The following IL1RAPL1 variants were observed in gnomAD, a reference collection of about 807,000 sequenced individuals.
The protein encoded by IL1RAPL1 is interleukin 1 receptor accessory protein like 1.
Under a neutral mutation model 48.4 loss-of-function variants are expected in IL1RAPL1, and 3 were observed. The observed-to-expected ratio is 0.06, with a 90% CI of 0.03 to 0.16. The LOEUF is 0.16. IL1RAPL1 is among the 10% of genes least tolerant of loss of function. IL1RAPL1 has a pLI of 1.00. For synonymous variants in IL1RAPL1, 185 were observed against 187.7 expected, an observed-to-expected ratio of 0.99 and a Z score of 0.12; for missense variants, 349 against 530.6, an observed-to-expected ratio of 0.66 and a Z score of 3.36.
At chrX:29,586,390 G>T (rs907099266) in intron 5 of IL1RAPL1, among the ~76,000 whole-genome samples, 1 of 111,300 alleles carries the variant, frequency 9.0e-6, no homozygotes, top group African/African-American at 3.3e-5. Context: ...TCTCTATTCT[G>T]TTAGATTGGC....
intron 2 of IL1RAPL1, among the ~76,000 whole-genome samples, chrX:29,263,787 A>G (rs1246858799): frequency 2.8e-5 from 3 of 108,309 alleles, no homozygotes; most frequent in Non-Finnish European, 5.7e-5. Flanking sequence ...GAATTGGCTC[A>G]CCAGTATTAA....
intron 2 of IL1RAPL1, among the ~76,000 whole-genome samples, chrX:28,884,658 A>G (rs1472106982): frequency 2.7e-5 from 3 of 111,813 alleles, no homozygotes; most frequent in African/African-American, 6.5e-5. Context: ...CCTTTTATAA[A>G]CAAGCTTTTG....
intron 2 of IL1RAPL1, among the ~76,000 whole-genome samples, chrX:28,883,295 CA>C (rs1169623081): frequency 9.0e-6 from 1 of 111,368 alleles, no homozygotes; most frequent in African/African-American, 3.3e-5. Flanking sequence ...TGGCTTTTGT[CA>C]ATCTTGTTAA....
intron 5 of IL1RAPL1, among the ~76,000 whole-genome samples, chrX:29,477,322 A>G (rs67469474): frequency 0.075 from 8,377 of 111,718 alleles, 486 homozygotes; most frequent in African/African-American, 0.19. Context: ...GACTATTATT[A>G]TTGCTGCTAT....
chrX:29,902,995 G>A (rs777844070), intron 6 of IL1RAPL1, among the ~76,000 whole-genome samples: 38 of 111,079 alleles, frequency 3.4e-4, no homozygotes, highest in Admixed American at 3.3e-3. Context: ...TTAATATAAC[G>A]TACCCCTTTC....
chrX:29,402,831 G>A (rs780163349), intron 5 of IL1RAPL1, among the ~76,000 whole-genome samples: 1 of 109,147 alleles, frequency 9.2e-6, no homozygotes, highest in African/African-American at 3.4e-5. Context: ...GGAGTATTTT[G>A]TCGAATGTCC....
At chrX:29,953,525 A>C (rs1249948567) in intron 9 of IL1RAPL1, among the ~76,000 whole-genome samples, 1 of 111,975 alleles carries the variant, frequency 8.9e-6, no homozygotes, top group African/African-American at 3.2e-5. Flanking sequence ...GAGATTTTAG[A>C]ACTAAGTTTC....
rs1268556014 is a variant in IL1RAPL1 at position 28,762,823 on chromosome X, C to CACACAGAG, written c.-24-26496_-24-26495insCACAGAGA. Among the ~76,000 whole-genome samples, 282 of 36,712 alleles carry CACACAGAG rather than the reference C, an allele frequency of 7.7e-3. 1 individual carries two copies. Among genetic ancestry groups the CACACAGAG allele is most frequent in the East Asian group, 0.022 (30 of 1,373 alleles). 31.9% of individuals were successfully genotyped at this position (36,712 alleles called of 115,157 possible). ...ACACACACACACACACACACACACA[C>CACACAGAG]AGAGAGAGAGAGAGAGAGAGAGAGA... On this transcript the variant is annotated intron_variant, in intron 1 of 10. Transcript: ENST00000378993.
chrX:29,157,325 T>C (rs747988387), intron 2 of IL1RAPL1, among the ~76,000 whole-genome samples: 1 of 111,779 alleles, frequency 8.9e-6, no homozygotes, highest in Non-Finnish European at 1.9e-5. Context: ...AAACACCTAC[T>C]CTATCTCTAG....
chrX:29,474,418 T>C (rs1292464541), intron 5 of IL1RAPL1, among the ~76,000 whole-genome samples: 1 of 111,725 alleles, frequency 9.0e-6, no homozygotes, highest in African/African-American at 3.3e-5. Context: ...CCCTGTAGGG[T>C]GATAGTAAAA....
At chrX:29,217,055 A>G (rs1175232893) in intron 2 of IL1RAPL1, among the ~76,000 whole-genome samples, 1 of 111,741 alleles carries the variant, frequency 8.9e-6, no homozygotes, top group Admixed American at 9.6e-5. Flanking sequence ...TTAATTGCCT[A>G]CGTGACTAGC....
chrX:28,619,209 G>A (rs1056896950), intron 1 of IL1RAPL1, among the ~76,000 whole-genome samples: 3 of 111,349 alleles, frequency 2.7e-5, no homozygotes, highest in Non-Finnish European at 5.6e-5. Flanking sequence ...AAAAATGGTG[G>A]TGGAAAATAC....
intron 5 of IL1RAPL1, among the ~76,000 whole-genome samples, chrX:29,489,305 A>G (rs1935130872): frequency 9.0e-6 from 1 of 111,587 alleles, no homozygotes; most frequent in African/African-American, 3.3e-5. Context: ...ACATTATACA[A>G]TTTTTGTCCA....
chrX:29,904,458 C>CT (rs1209771344), intron 6 of IL1RAPL1, among the ~76,000 whole-genome samples: 1 of 110,814 alleles, frequency 9.0e-6, no homozygotes, highest in East Asian at 2.8e-4. Context: ...CTGCACCCAT[C>CT]AACCCGTCAT....
chrX:29,478,654 G>T (rs1167876698), intron 5 of IL1RAPL1, among the ~76,000 whole-genome samples: 3 of 110,945 alleles, frequency 2.7e-5, no homozygotes, highest in Non-Finnish European at 5.7e-5. Flanking sequence ...CCTTCTTTCA[G>T]CCCCAACTCC....
intron 2 of IL1RAPL1, among the ~76,000 whole-genome samples, chrX:28,859,608 A>G (rs1346237285): frequency 1.8e-5 from 2 of 110,379 alleles, no homozygotes; most frequent in African/African-American, 6.6e-5. Flanking sequence ...CTTACCTAGT[A>G]TCTATCTTTG....
At chrX:29,089,410 T>G (rs1602051418) in intron 2 of IL1RAPL1, among the ~76,000 whole-genome samples, 1 of 110,252 alleles carries the variant, frequency 9.1e-6, no homozygotes, top group East Asian at 2.9e-4. Context: ...ATCTACTCTT[T>G]TTTTGTAGTC....
intron 6 of IL1RAPL1, among the ~76,000 whole-genome samples, chrX:29,742,319 C>T (rs1313592523): frequency 1.8e-5 from 2 of 111,545 alleles, no homozygotes; most frequent in Admixed American, 1.9e-4. Flanking sequence ...GAAAATGAAA[C>T]AGGAGTATAC....
chrX:29,775,010 G>C (rs1929159549), intron 6 of IL1RAPL1, among the ~76,000 whole-genome samples: 1 of 111,973 alleles, frequency 8.9e-6, no homozygotes, highest in Middle Eastern at 4.2e-3. Flanking sequence ...CAGAATTGCT[G>C]AGTGGGATTT....
Sources: gnomAD v4.1 joint callset for allele counts (sites outside exome capture counted in the v4.1 genomes callset) on GRCh38, gnomAD v4.1.1 for gene constraint, MANE v1.5 for transcripts, NCBI Gene and HGNC (gene_info 2026-07-23, HGNC 2026-07-21) for gene names.